The following INSC variants were observed in gnomAD, a reference collection of about 807,000 sequenced individuals.
The protein encoded by INSC is INSC spindle orientation adaptor protein.
Under a neutral mutation model 58.6 loss-of-function variants are expected in INSC, and 67 were observed. The observed-to-expected ratio is 1.14, with a 90% CI of 0.94 to 1.40. The LOEUF (loss-of-function observed/expected upper bound fraction) is 1.40, where lower values mean the gene tolerates loss of function less well. INSC is among the 40% of genes most tolerant of loss of function. The pLI, the probability that INSC is intolerant of heterozygous loss-of-function variation, is 0.00. For synonymous variants in INSC, 262 were observed against 276.1 expected (o/e 0.95, Z 0.51); for missense variants, 714 against 692.0 (o/e 1.03, Z -0.36).
At chr11:15,130,401 T>C (rs192332475) in intron 1 of INSC, among the ~76,000 whole-genome samples, 100 of 152,362 alleles carry the variant, frequency 6.6e-4, no homozygotes, top group African/African-American at 2.3e-3. Flanking sequence ...TGTTTTCTAA[T>C]GTTAAAATAA....
At chr11:15,112,420 C>T, upstream of INSC, 1 of 1,480,848 alleles carries the variant, frequency 6.8e-7, no homozygotes, top group Non-Finnish European at 9.2e-7. Context: ...AAGCTGTTCA[C>T]AGGGGCCTCT....
chr11:15,168,453 T>A (rs1368169890), intron 2 of INSC, among the ~76,000 whole-genome samples: 2 of 152,246 alleles, frequency 1.3e-5, no homozygotes, highest in African/African-American at 4.8e-5. Context: ...GATCTTAGCA[T>A]GGTGCTCAAT....
intron 6 of INSC, among the ~76,000 whole-genome samples, chr11:15,197,386 C>A (rs1464842859): frequency 6.6e-6 from 1 of 152,202 alleles, no homozygotes; most frequent in Non-Finnish European, 1.5e-5. Flanking sequence ...AGATGGGAGA[C>A]TAATTCCTCC....
At chr11:15,144,087 T>A (rs193126648) in intron 1 of INSC, among the ~76,000 whole-genome samples, 1 of 152,352 alleles carries the variant, frequency 6.6e-6, no homozygotes, top group African/African-American at 2.4e-5. Flanking sequence ...TCATGTGTTT[T>A]ACTCTTGCTG....
chr11:15,125,644 C>A (rs1847975739), intron 1 of INSC, among the ~76,000 whole-genome samples: 1 of 152,222 alleles, frequency 6.6e-6, no homozygotes, highest in Admixed American at 6.5e-5. Flanking sequence ...GTTCGACCCA[C>A]TTCCATGATC....
intron 1 of INSC, among the ~76,000 whole-genome samples, chr11:15,138,262 A>G (rs1253989836): frequency 6.6e-6 from 1 of 152,252 alleles, no homozygotes; most frequent in East Asian, 1.9e-4. Flanking sequence ...AATTGGAAAT[A>G]TTATGAGAAA....
intron 1 of INSC, among the ~76,000 whole-genome samples, chr11:15,138,289 C>G (rs1442847038): frequency 6.6e-6 from 1 of 152,154 alleles, no homozygotes; most frequent in Non-Finnish European, 1.5e-5. Context: ...AAGTGTGACA[C>G]AGAGACATAA....
At chr11:15,220,686 G>A (rs763944246) in intron 7 of INSC, among the ~76,000 whole-genome samples, 2 of 152,196 alleles carry the variant, frequency 1.3e-5, no homozygotes, top group African/African-American at 4.8e-5. Context: ...GGAATAGATT[G>A]TGTAATAACA....
intron 1 of INSC, among the ~76,000 whole-genome samples, chr11:15,146,841 G>A (rs796569521): frequency 4.6e-5 from 7 of 152,270 alleles, no homozygotes; most frequent in African/African-American, 1.7e-4. Flanking sequence ...TTCTGCTTAT[G>A]ACAACTCTTT....
chr11:15,257,018 G>A, the INSC span, among the ~76,000 whole-genome samples: 3 of 152,122 alleles, frequency 2.0e-5, no homozygotes, highest in Admixed American at 2.0e-4. Flanking sequence ...CAATTAAAAT[G>A]TCTTATTTCT....
chr11:15,229,955 TATA>T (rs371898034), intron 9 of INSC, among the ~76,000 whole-genome samples: 23,083 of 42,006 alleles, frequency 0.55, 5,169 homozygotes, highest in East Asian at 0.83. Context: ...ATATTATATA[TATA>T]TTTATATATA....
At chr11:15,241,971 G>C (rs1375878789) in intron 12 of INSC, among the ~76,000 whole-genome samples, 2 of 152,166 alleles carry the variant, frequency 1.3e-5, no homozygotes, top group African/African-American at 4.8e-5. Flanking sequence ...ACAAATCACA[G>C]GGTTTGTGAA....
intron 1 of INSC, among the ~76,000 whole-genome samples, chr11:15,135,632 T>G (rs552461306): frequency 1.3e-3 from 193 of 152,354 alleles, no homozygotes; most frequent in African/African-American, 4.2e-3. Flanking sequence ...CATACTACTT[T>G]GGTCACATAG....
chr11:15,159,641 A>T lies in INSC; in HGVS notation c.56+10411A>T, dbSNP rs192438650. Among the ~76,000 whole-genome samples the T allele has an allele frequency of 1.1e-4, 16 of 152,338 alleles. No homozygotes were observed. In the East Asian group the frequency reaches 3.1e-3, roughly 29 times the overall value. The stretch of plus-strand genomic sequence containing the variant: ...GCAGTTTAACATAACACTTAAGAAC[A>T]TACAGTCTAGACACTGATGAGCTGG... On this transcript the variant is annotated intron_variant, in intron 2 of 12. Coordinates refer to ENST00000379556, the MANE Select transcript of INSC (RefSeq NM_001042536.3).
At chr11:15,154,682 T>C (rs897223208) in intron 2 of INSC, among the ~76,000 whole-genome samples, 3 of 152,184 alleles carry the variant, frequency 2.0e-5, no homozygotes, top group South Asian at 4.1e-4. Context: ...TGGACAATTT[T>C]TCTCTCTCTC....
chr11:15,226,090 C>A (rs940463728), intron 9 of INSC, among the ~76,000 whole-genome samples: 4 of 152,020 alleles, frequency 2.6e-5, no homozygotes. Context: ...CTCTCATTGA[C>A]CTTGAAGCCT....
chr11:15,112,656 G>A (rs1847597852), upstream of INSC: 3 of 239,526 alleles, frequency 1.3e-5, no homozygotes, highest in South Asian at 6.0e-5. Flanking sequence ...GTGGGGGGGG[G>A]GCATTTATGC....
chr11:15,136,461 T>C (rs11828712), intron 1 of INSC, among the ~76,000 whole-genome samples: 7,207 of 152,198 alleles, frequency 0.047, 343 homozygotes, highest in African/African-American at 0.12. Flanking sequence ...AAAAATTTCT[T>C]GGTGGTATGC....
chr11:15,133,064 A>G (rs1848161660), intron 1 of INSC, among the ~76,000 whole-genome samples: 1 of 152,146 alleles, frequency 6.6e-6, no homozygotes, highest in South Asian at 2.1e-4. Flanking sequence ...GGGAACTGAA[A>G]TTTCAGCCAC....
Sources: allele counts gnomAD v4.1 joint callset (sites outside exome capture counted in the v4.1 genomes callset), GRCh38; gene constraint gnomAD v4.1.1; transcripts MANE v1.5; gene names NCBI Gene and HGNC (gene_info 2026-07-23, HGNC 2026-07-21).